Variants in AFG2A observed in about 807,000 individuals in gnomAD.
AFG2A encodes the protein ATPase family gene 2 protein homolog A.
the AFG2A span, among the ~76,000 whole-genome samples, chr4:123,184,827 C>T: frequency 2.0e-5 from 3 of 151,958 alleles, no homozygotes; most frequent in Non-Finnish European, 4.4e-5. Context: ...TGAGCCACCG[C>T]GCCCGGCCCC....
chr4:123,278,790 A>G, the AFG2A span, among the ~76,000 whole-genome samples: 2 of 152,080 alleles, frequency 1.3e-5, no homozygotes, highest in Non-Finnish European at 1.5e-5. Context: ...ATTGGTTTCT[A>G]TTTTATTGTC....
chr4:122,987,244 C>T, the AFG2A span, among the ~76,000 whole-genome samples: 1 of 152,206 alleles, frequency 6.6e-6, no homozygotes, highest in African/African-American at 2.4e-5. Context: ...TGAAAGTCTT[C>T]AGACTCTTTA....
the AFG2A span, chr4:122,933,559 G>T: frequency 9.8e-5 from 132 of 1,348,240 alleles, no homozygotes; most frequent in Non-Finnish European, 1.3e-4. Flanking sequence ...AGCAAATAAA[G>T]TGTCTTTGAG....
At chr4:123,031,379 CT>C in the AFG2A span, among the ~76,000 whole-genome samples, 2 of 152,162 alleles carry the variant, frequency 1.3e-5, no homozygotes, top group African/African-American at 4.8e-5. Flanking sequence ...TCTCGAACTC[CT>C]GAGCTCAGGC....
At chr4:123,000,034 G>A in the AFG2A span, among the ~76,000 whole-genome samples, 1 of 151,588 alleles carries the variant, frequency 6.6e-6, no homozygotes, top group Non-Finnish European at 1.5e-5. Context: ...CTTGTAAGTT[G>A]GATTCCTAGG....
the AFG2A span, among the ~76,000 whole-genome samples, chr4:123,256,417 A>G: frequency 2.0e-5 from 3 of 152,210 alleles, no homozygotes; most frequent in Non-Finnish European, 4.4e-5. Context: ...CTTCAGAGGA[A>G]TAGCATAATA....
At chr4:123,258,737 G>A in the AFG2A span, among the ~76,000 whole-genome samples, 1 of 151,958 alleles carries the variant, frequency 6.6e-6, no homozygotes, top group African/African-American at 2.4e-5. Flanking sequence ...GAAAGCCAGA[G>A]ACGAGGAATT....
chr4:123,174,469 A>G, the AFG2A span, among the ~76,000 whole-genome samples: 1 of 152,224 alleles, frequency 6.6e-6, no homozygotes, highest in Non-Finnish European at 1.5e-5. Flanking sequence ...TGATGTAGAA[A>G]AAGTTTCTTA....
the AFG2A span, among the ~76,000 whole-genome samples, chr4:123,243,260 G>T: frequency 6.6e-6 from 1 of 152,136 alleles, no homozygotes; most frequent in Admixed American, 6.5e-5. Context: ...TATACCCAAA[G>T]GATTATAAAT....
chr4:123,058,081 T>C, the AFG2A span, among the ~76,000 whole-genome samples: 7 of 152,178 alleles, frequency 4.6e-5, no homozygotes, highest in Non-Finnish European at 8.8e-5. Context: ...AGCTGCCTCA[T>C]GTGATGAGAG....
the AFG2A span, among the ~76,000 whole-genome samples, chr4:123,141,618 G>A: frequency 6.6e-6 from 1 of 152,184 alleles, no homozygotes; most frequent in Non-Finnish European, 1.5e-5. Context: ...GGGTAGGTAT[G>A]TTAAATATTT....
chr4:123,016,308 G>A, the AFG2A span, among the ~76,000 whole-genome samples: 13 of 150,978 alleles, frequency 8.6e-5, no homozygotes, highest in African/African-American at 1.5e-4. Context: ...GGGCAGAGAC[G>A]CCCCTCACTT....
At chr4:123,151,801 A>T in the AFG2A span, among the ~76,000 whole-genome samples, 7 of 152,324 alleles carry the variant, frequency 4.6e-5, no homozygotes, top group South Asian at 1.4e-3. Flanking sequence ...ATGATTATGA[A>T]TCATTCTATA....
chr4:123,243,601 G>A, the AFG2A span, among the ~76,000 whole-genome samples: 2 of 152,104 alleles, frequency 1.3e-5, no homozygotes, highest in African/African-American at 4.8e-5. Flanking sequence ...CTGTCAGGTG[G>A]TGGGGGGCTG....
At chr4:123,245,010 T>A in the AFG2A span, among the ~76,000 whole-genome samples, 3 of 152,206 alleles carry the variant, frequency 2.0e-5, no homozygotes, top group African/African-American at 7.2e-5. Context: ...GACAGTTTCT[T>A]TGTATAGAAA....
At chr4:123,253,394 G>T in the AFG2A span, among the ~76,000 whole-genome samples, 1 of 151,702 alleles carries the variant, frequency 6.6e-6, no homozygotes, top group Non-Finnish European at 1.5e-5. Flanking sequence ...TGAGGCAGGA[G>T]AATTGCTCGA....
At chr4:123,111,632 A>T in the AFG2A span, among the ~76,000 whole-genome samples, 1 of 152,142 alleles carries the variant, frequency 6.6e-6, no homozygotes, top group African/African-American at 2.4e-5. Context: ...GAAAGAGTAA[A>T]AGGTCAGTTA....
At chr4:123,007,784 C>T in the AFG2A span, among the ~76,000 whole-genome samples, 1 of 151,664 alleles carries the variant, frequency 6.6e-6, no homozygotes, top group South Asian at 2.1e-4. Flanking sequence ...CTAGCTCTGT[C>T]TTCTCAACTC....
the AFG2A span, among the ~76,000 whole-genome samples, chr4:123,242,961 G>A: frequency 2.5e-3 from 375 of 152,254 alleles, 1 homozygote; most frequent in African/African-American, 8.2e-3. Context: ...TCCCTCAAAA[G>A]AAGACATTTA....
Sources: gnomAD v4.1 joint callset for allele counts (sites outside exome capture counted in the v4.1 genomes callset) on GRCh38, gnomAD v4.1.1 for gene constraint, MANE v1.5 for transcripts, NCBI Gene and HGNC (gene_info 2026-07-23, HGNC 2026-07-21) for gene names.